Variants in RORA observed in about 807,000 individuals in gnomAD.
The protein encoded by RORA is nuclear receptor ROR-alpha.
Under a neutral mutation model 69.5 loss-of-function variants are expected in RORA, and 7 were observed. The ratio of observed to expected loss-of-function variants is 0.10; its 90% CI spans 0.06 to 0.19. RORA has a LOEUF of 0.19. Ranked by LOEUF, RORA falls within the 10% of genes least tolerant of loss-of-function variation. The pLI, the probability that RORA is intolerant of heterozygous loss-of-function variation, is 1.00. For missense variants in RORA, 457 were observed against 663.0 expected (o/e 0.69, Z 3.41); for synonymous variants, 261 against 240.8 (o/e 1.08, Z -0.78).
chr15:60,671,937 C>G (rs1488588795), intron 2 of RORA, among the ~76,000 whole-genome samples: 1 of 151,616 alleles, frequency 6.6e-6, no homozygotes, highest in Non-Finnish European at 1.5e-5. Context: ...CTACAAAAAA[C>G]TAAAAATAAA....
At chr15:61,197,095 C>T (rs2079851731) in intron 1 of RORA, among the ~76,000 whole-genome samples, 3 of 152,202 alleles carry the variant, frequency 2.0e-5, no homozygotes, top group African/African-American at 7.2e-5. Context: ...TGCAGAAGGC[C>T]AGCGTTACTT....
intron 1 of RORA, among the ~76,000 whole-genome samples, chr15:61,001,665 A>G (rs112139847): frequency 4.6e-4 from 70 of 152,338 alleles, no homozygotes; most frequent in African/African-American, 1.6e-3. Context: ...GGAAGCCAAC[A>G]TGGTAACTGT....
chr15:60,516,020 T>TA (rs2065888331), intron 3 of RORA, among the ~76,000 whole-genome samples: 2 of 16,748 alleles, frequency 1.2e-4, no homozygotes, highest in Non-Finnish European at 2.2e-4. Flanking sequence ...TTTATATATA[T>TA]TTATATATTT....
chr15:60,670,954 T>C (rs755319776), intron 2 of RORA, among the ~76,000 whole-genome samples: 2 of 151,786 alleles, frequency 1.3e-5, no homozygotes, highest in Admixed American at 6.6e-5. Flanking sequence ...TGCGTACAGA[T>C]TGCAATAAAA....
At position 61,147,820 on chromosome 15, in the gene RORA, C is replaced by T. The variant is rs1359431794; in HGVS notation, c.166+81233G>A. Among the ~76,000 whole-genome samples the T allele has an allele frequency of 1.5e-5, 2 of 133,934 alleles. No homozygotes were observed. The highest frequency in any genetic ancestry group is 1.7e-5 in the Non-Finnish European group (1 of 59,360). The allele number at this position is 133,934 out of a possible 152,430, so 87.9% of individuals were successfully genotyped here. Reference sequence around the variant, plus strand: ...GAAATCTTTAGGTTTTTTTACCTGCCTCCTTCACTGTATAAGCCCAACCTG... The same window carrying T: ...GAAATCTTTAGGTTTTTTTACCTGCTTCCTTCACTGTATAAGCCCAACCTG... On this transcript the variant is annotated intron_variant, in intron 1 of 10. Coordinates refer to ENST00000335670, the MANE Select transcript of RORA (RefSeq NM_134261.3). The surrounding 1 kb of genome is among the most constrained non-coding windows in gnomAD (Gnocchi z 4.1).
intron 1 of RORA, among the ~76,000 whole-genome samples, chr15:61,177,786 T>C (rs1489253823): frequency 6.6e-6 from 1 of 151,448 alleles, no homozygotes; most frequent in Non-Finnish European, 1.5e-5. Flanking sequence ...GATGGTGAGA[T>C]CTCGTCTCTA....
At chr15:60,911,507 C>A (rs1448681895) in intron 1 of RORA, among the ~76,000 whole-genome samples, 1 of 152,138 alleles carries the variant, frequency 6.6e-6, no homozygotes, top group South Asian at 2.1e-4. Flanking sequence ...CTTCACTACC[C>A]TTCTATCCCT....
intron 1 of RORA, among the ~76,000 whole-genome samples, chr15:61,007,846 C>G (rs866062124): frequency 2.1e-5 from 3 of 145,278 alleles, no homozygotes; most frequent in Admixed American, 6.9e-5. Context: ...ATAACATTAG[C>G]CTAATGTTAT....
chr15:60,718,087 A>T (rs2071243898), intron 1 of RORA, among the ~76,000 whole-genome samples: 1 of 152,076 alleles, frequency 6.6e-6, no homozygotes, highest in Non-Finnish European at 1.5e-5. Flanking sequence ...TTGCATTTTC[A>T]TTCTAAGATT....
intron 1 of RORA, among the ~76,000 whole-genome samples, chr15:61,204,688 A>G (rs888135136): frequency 2.0e-5 from 3 of 152,256 alleles, no homozygotes; most frequent in Admixed American, 6.5e-5. Context: ...TCCATGTCAG[A>G]AAAGTGAGCA....
intron 1 of RORA, among the ~76,000 whole-genome samples, chr15:61,030,458 T>C (rs1239388066): frequency 2.0e-5 from 3 of 152,220 alleles, no homozygotes. Context: ...CTAGTCTTGT[T>C]ACTTTTCTGT....
At chr15:60,849,892 A>T (rs1446118567) in intron 1 of RORA, among the ~76,000 whole-genome samples, 1 of 152,176 alleles carries the variant, frequency 6.6e-6, no homozygotes, top group Non-Finnish European at 1.5e-5. Flanking sequence ...GAATCTCTTC[A>T]GGGCTAGTGA....
At chr15:60,659,519 A>C (rs2070271829) in intron 2 of RORA, among the ~76,000 whole-genome samples, 3 of 152,244 alleles carry the variant, frequency 2.0e-5, no homozygotes, top group African/African-American at 7.2e-5. Context: ...AGACAACCTT[A>C]GTATAAAAGG....
intron 1 of RORA, among the ~76,000 whole-genome samples, chr15:61,177,916 T>C (rs2079645775): frequency 6.6e-6 from 1 of 150,458 alleles, no homozygotes; most frequent in South Asian, 2.1e-4. Flanking sequence ...GAGCCGAGAT[T>C]GCACCACTGC....
chr15:61,167,655 C>G (rs534772753), intron 1 of RORA, among the ~76,000 whole-genome samples: 1 of 152,168 alleles, frequency 6.6e-6, no homozygotes, highest in Non-Finnish European at 1.5e-5. Context: ...GCTTTCCCCA[C>G]ACTTATGTTG....
chr15:60,689,451 C>T (rs916754587), intron 1 of RORA, among the ~76,000 whole-genome samples: 1 of 152,088 alleles, frequency 6.6e-6, no homozygotes, highest in African/African-American at 2.4e-5. Context: ...CAGTTCTTCT[C>T]TTTTAAATTA....
chr15:60,902,869 C>A (rs1301778942), intron 1 of RORA, among the ~76,000 whole-genome samples: 1 of 152,186 alleles, frequency 6.6e-6, no homozygotes, highest in African/African-American at 2.4e-5. Flanking sequence ...CAGCTGCCCA[C>A]GGAATGCTCT....
At chr15:60,941,050 A>G (rs890202216) in intron 1 of RORA, among the ~76,000 whole-genome samples, 4 of 152,240 alleles carry the variant, frequency 2.6e-5, no homozygotes, top group Admixed American at 2.6e-4. Flanking sequence ...AAGAAGTGGT[A>G]TTGTATAGAA....
At chr15:60,944,312 G>A (rs1892796881) in intron 1 of RORA, among the ~76,000 whole-genome samples, 1 of 152,164 alleles carries the variant, frequency 6.6e-6, no homozygotes, top group Non-Finnish European at 1.5e-5. Flanking sequence ...TAGAACCACT[G>A]GTCTAGACCC....
Sources: allele counts gnomAD v4.1 joint callset (sites outside exome capture counted in the v4.1 genomes callset), GRCh38; gene constraint gnomAD v4.1.1; non-coding constraint Gnocchi (gnomAD v3.1); transcripts MANE v1.5; gene names NCBI Gene and HGNC (gene_info 2026-07-23, HGNC 2026-07-21).